SEMA5A: variants seen among roughly 807,000 people sequenced by gnomAD.
SEMA5A encodes semaphorin-5A.
SEMA5A carries 55 observed loss-of-function variants against 135.5 expected under a neutral mutation model. The observed-to-expected ratio is 0.41, with a 90% CI of 0.33 to 0.51. The LOEUF is 0.51. SEMA5A is among the 20% of genes least tolerant of loss of function. The pLI, the probability that SEMA5A is intolerant of heterozygous loss-of-function variation, is 0.37. For synonymous variants in SEMA5A, 580 were observed against 546.5 expected, an observed-to-expected ratio of 1.06 and a Z score of -0.85; for missense variants, 1,290 against 1,419.9, an observed-to-expected ratio of 0.91 and a Z score of 1.47.
chr5:9,211,720 C>T (rs1232869615), intron 8 of SEMA5A, among the ~76,000 whole-genome samples: 1 of 152,178 alleles, frequency 6.6e-6, no homozygotes, highest in African/African-American at 2.4e-5. Flanking sequence ...AGTAAATTAT[C>T]ATTAATCATT....
At chr5:9,061,421 C>A (rs1484576936) in intron 18 of SEMA5A, among the ~76,000 whole-genome samples, 2 of 151,926 alleles carry the variant, frequency 1.3e-5, no homozygotes, top group Non-Finnish European at 2.9e-5. Flanking sequence ...GAGACCAGGC[C>A]AGGAGTCCCT....
intron 16 of SEMA5A, among the ~76,000 whole-genome samples, chr5:9,076,780 C>T (rs1417553243): frequency 6.6e-6 from 1 of 152,040 alleles, no homozygotes; most frequent in African/African-American, 2.4e-5. Flanking sequence ...ACCATCCATT[C>T]ATTTTCACTT....
chr5:9,072,945 G>C lies in SEMA5A; in HGVS notation c.2074-6299C>G, dbSNP rs1737848522. 7.9e-5 allele frequency among the ~76,000 whole-genome samples: 12 copies of C among 152,242 alleles called. No homozygotes were observed. In the South Asian group the frequency reaches 2.5e-3, roughly 32 times the overall value. On this transcript the variant is annotated intron_variant, in intron 16 of 22. Coordinates refer to ENST00000382496, the MANE Select transcript of SEMA5A (RefSeq NM_003966.3). ...CAGATGACAGAATCTGTAGTCAACA[G>C]CATCAAAACAGTAATTATAACTGCA...
rs999117384 is a variant in SEMA5A at position 9,204,757 on chromosome 5, A to C, written c.647-2517T>G. 6.6e-6 allele frequency among the ~76,000 whole-genome samples: 1 copy of C among 152,204 alleles called. No individual in the cohort carries two copies. The highest frequency in any genetic ancestry group is 2.4e-5 in the African/African-American group (1 of 41,454). ...CCAGGACATGGACCAGTACCAGTCC[A>C]TGGCCTGTTAGGAGTCAGGCCACAC... On this transcript the variant is annotated intron_variant, in intron 8 of 22. Coordinates refer to ENST00000382496, the MANE Select transcript of SEMA5A (RefSeq NM_003966.3). The surrounding 1 kb of genome is among the most constrained non-coding windows in gnomAD (Gnocchi z 6.4).
At chr5:9,389,715 TTTG>T (rs914461103) in intron 2 of SEMA5A, among the ~76,000 whole-genome samples, 34 of 152,188 alleles carry the variant, frequency 2.2e-4, no homozygotes, top group African/African-American at 7.7e-4. Flanking sequence ...TTCAGCCATT[TTTG>T]TTGTTGTTGT....
chr5:9,103,144 C>G (rs1004869284), intron 16 of SEMA5A, among the ~76,000 whole-genome samples: 5 of 152,124 alleles, frequency 3.3e-5, no homozygotes, highest in African/African-American at 1.2e-4. Flanking sequence ...AAGACCTGGA[C>G]CGGGGGTCTT....
chr5:9,096,103 G>A (rs1739297076), intron 16 of SEMA5A, among the ~76,000 whole-genome samples: 1 of 152,056 alleles, frequency 6.6e-6, no homozygotes, highest in Admixed American at 6.6e-5. Flanking sequence ...TTTCCATACT[G>A]GCTGTACCGG....
chr5:9,352,451 T>C (rs753298065), intron 3 of SEMA5A, among the ~76,000 whole-genome samples: 15 of 152,340 alleles, frequency 9.8e-5, no homozygotes, highest in Non-Finnish European at 1.9e-4. Flanking sequence ...GATTTTGCTA[T>C]GTTGCCCAGG....
intron 1 of SEMA5A, among the ~76,000 whole-genome samples, chr5:9,500,794 G>A (rs985436474): frequency 1.3e-5 from 2 of 152,194 alleles, no homozygotes; most frequent in Admixed American, 6.5e-5. Flanking sequence ...CACATTATAT[G>A]TGTTTTAGGA....
intron 5 of SEMA5A, among the ~76,000 whole-genome samples, chr5:9,294,929 C>T (rs1229731476): frequency 6.6e-6 from 1 of 152,180 alleles, no homozygotes; most frequent in Non-Finnish European, 1.5e-5. Context: ...ACAAGAAAGT[C>T]CCACTGTAAT....
chr5:9,326,724 TGAGCA>T (rs1461264802), intron 4 of SEMA5A, among the ~76,000 whole-genome samples: 1 of 152,142 alleles, frequency 6.6e-6, no homozygotes, highest in African/African-American at 2.4e-5. Flanking sequence ...GAGGTTGCAC[TGAGCA>T]GAGATCCTGC....
intron 16 of SEMA5A, among the ~76,000 whole-genome samples, chr5:9,096,192 G>A (rs933330884): frequency 2.0e-5 from 3 of 152,122 alleles, no homozygotes; most frequent in African/African-American, 7.2e-5. Context: ...CTTTTTTATA[G>A]TACCTGTCCT....
intron 5 of SEMA5A, among the ~76,000 whole-genome samples, chr5:9,242,020 A>G (rs1748223734): frequency 6.6e-6 from 1 of 152,230 alleles, no homozygotes; most frequent in Non-Finnish European, 1.5e-5. Flanking sequence ...GCCAAAAATT[A>G]ACAACCACCT....
At chr5:9,282,101 G>A (rs1026584268) in intron 5 of SEMA5A, among the ~76,000 whole-genome samples, 4 of 152,026 alleles carry the variant, frequency 2.6e-5, no homozygotes, top group Admixed American at 6.6e-5. Flanking sequence ...GTGAGCCACC[G>A]TGCCCAGCCC....
At chr5:9,516,026 T>C (rs1054078307) in intron 1 of SEMA5A, among the ~76,000 whole-genome samples, 1 of 152,234 alleles carries the variant, frequency 6.6e-6, no homozygotes, top group South Asian at 2.1e-4. Flanking sequence ...AATCTCTTTT[T>C]ATTGAACGAA....
intron 12 of SEMA5A, 106 bp downstream of exon 12, chr5:9,154,382 T>C: frequency 2.2e-6 from 2 of 894,662 alleles, no homozygotes; most frequent in South Asian, 1.6e-5. Context: ...GCATGAAGGG[T>C]GGCTCTGAGG....
At position 9,398,127 on chromosome 5, in the gene SEMA5A, AT is replaced by A. The variant is rs1446177643; in HGVS notation, c.-77-18105del. 5.3e-5 allele frequency among the ~76,000 whole-genome samples: 8 copies of A among 152,202 alleles called. No individual in the cohort carries two copies. The South Asian group carries it at 1.2e-3, about 24-fold the overall frequency. On this transcript the variant is annotated intron_variant, in intron 2 of 22. Coordinates refer to ENST00000382496, the MANE Select transcript of SEMA5A (RefSeq NM_003966.3). ...TTTTTTTCCACAGTAGAAAACTTGA[AT>A]TTAAATTAGATTTTTTACATAAGCA...
chr5:9,383,380 C>T (rs1278911176), intron 2 of SEMA5A, among the ~76,000 whole-genome samples: 5 of 152,162 alleles, frequency 3.3e-5, no homozygotes, highest in South Asian at 2.1e-4. Context: ...CATATCAGTT[C>T]GGGTAAATTA....
Position 9,284,116 on chromosome 5 carries a change from G to GAA in SEMA5A, c.270+34255_270+34256insTT, listed in dbSNP as rs1750678802. On this transcript the variant is annotated intron_variant, in intron 5 of 22. Transcript: ENST00000382496. ...TAGATAGATAGATATTAGAGAGAGA[G>GAA]AGAGAGAGAGAGAGAGATAAGAGAT... Among the ~76,000 whole-genome samples, 17 of 152,090 alleles carry GAA rather than the reference G, an allele frequency of 1.1e-4. 1 individual carries two copies. In the South Asian group the frequency reaches 3.5e-3, roughly 32 times the overall value.
Sources: allele counts gnomAD v4.1 joint callset (sites outside exome capture counted in the v4.1 genomes callset), GRCh38; gene constraint gnomAD v4.1.1; non-coding constraint Gnocchi (gnomAD v3.1); transcripts MANE v1.5; gene names NCBI Gene and HGNC (gene_info 2026-07-23, HGNC 2026-07-21).